The following GLP2R variants were observed in gnomAD, a reference collection of about 807,000 sequenced individuals.
GLP2R encodes glucagon like peptide 2 receptor, also known as glucagon-like peptide 2 receptor.
Under a neutral mutation model 68.2 loss-of-function variants are expected in GLP2R, and 59 were observed. The observed-to-expected ratio is 0.87, with a 90% CI of 0.70 to 1.07. The LOEUF is 1.07. GLP2R is among the 50% of genes least tolerant of loss of function. The probability of loss-of-function intolerance (pLI) is 0.00; values close to 1 mark genes in which losing one functional copy is unlikely to be tolerated. For synonymous variants in GLP2R, 270 were observed against 265.4 expected (o/e 1.02, Z -0.17); for missense variants, 548 against 677.4 (o/e 0.81, Z 2.12).
At chr17:9,841,809 C>A (rs1186589122) in intron 3 of GLP2R, among the ~76,000 whole-genome samples, 2 of 152,102 alleles carry the variant, frequency 1.3e-5, no homozygotes, top group South Asian at 2.1e-4. Context: ...TAGGAAGGAC[C>A]AACAGATTTC....
chr17:9,889,399 C>T lies in GLP2R; in HGVS notation c.1356C>T (p.Val452=), dbSNP rs755572703. 6.2e-7 allele frequency: 1 copy of T among 1,613,850 alleles called. No homozygotes were observed. Among genetic ancestry groups the T allele is most frequent in the Non-Finnish European group, 8.5e-7 (1 of 1,179,748 alleles). ...EVKAELRKYW[V]RFLLARHSGC... ...AGGCTGAGCTGCGGAAATACTGGGT[C>T]CGCTTCTTGCTAGCCCGCCACTCAG... is the stretch of plus-strand genomic sequence containing the variant. Residue 452 remains valine (V), a synonymous_variant, in exon 13 of 13, where the codon GTC becomes GTT. Coordinates refer to ENST00000262441, the MANE Select transcript of GLP2R (RefSeq NM_004246.3).
chr17:9,830,485 C>T (rs1428855397), intron 1 of GLP2R, among the ~76,000 whole-genome samples: 3 of 152,046 alleles, frequency 2.0e-5, no homozygotes, highest in African/African-American at 7.2e-5. Context: ...CCTCTTGGGC[C>T]GTAACTCAGA....
intron 3 of GLP2R, 73 bp downstream of exon 3, chr17:9,836,548 C>T (rs1597377288): frequency 2.4e-6 from 2 of 831,314 alleles, no homozygotes; most frequent in East Asian, 4.9e-5. Flanking sequence ...CACAAACAGT[C>T]CCCGTCTAAG....
intron 1 of GLP2R, among the ~76,000 whole-genome samples, chr17:9,832,122 A>G (rs966585628): frequency 6.6e-5 from 10 of 152,172 alleles, no homozygotes; most frequent in Admixed American, 1.3e-4. Context: ...CTGATGAACA[A>G]TAGAAGAGAA....
intron 9 of GLP2R, among the ~76,000 whole-genome samples, chr17:9,864,650 G>A (rs1201147909): frequency 6.6e-6 from 1 of 152,062 alleles, no homozygotes; most frequent in Non-Finnish European, 1.5e-5. Context: ...AGCCTCCCTA[G>A]TAGTTGGGAC....
rs752406323 is a variant in GLP2R, at chr17:9,861,174, G to A, written c.961G>A (p.Ala321Thr). Residue 321 changes from alanine to threonine, a missense_variant, in exon 8 of 13, where the codon GCC (alanine) becomes ACC (threonine). Ala to Thr is a moderately conservative substitution (Grantham distance 58). Transcript: ENST00000262441. ...PVLFVVPWGF[A>T]RAHLENTGCW... ...GCTATTTGTTGTACCCTGGGGTTTCGCCCGTGCACACCTGGAGAACACAGG... is the reference window on the plus strand; with the variant it reads ...GCTATTTGTTGTACCCTGGGGTTTCACCCGTGCACACCTGGAGAACACAGG... The A allele has an allele frequency of 1.1e-5, 17 of 1,612,934 alleles. No homozygotes were observed. The highest frequency in any genetic ancestry group is 1.7e-5 in the Admixed American group (1 of 59,972).
In GLP2R at chr17:9,870,740, T is replaced by A; in HGVS notation, c.1057-7T>A. The A allele has an allele frequency of 7.0e-7, 1 of 1,423,448 alleles. No homozygotes were observed. The allele number at this position is 1,423,448 out of a possible 1,614,324, so 88.2% of individuals were successfully genotyped here. ...CTTACTTACCCAATTCTGCTCTTTT[T>A]TTCAAGGTCAATTTCTTCATCTTCC... On this transcript the variant is annotated splice_region_variant and splice_polypyrimidine_tract_variant and intron_variant, in intron 9 of 12. Coordinates refer to ENST00000262441, the MANE Select transcript of GLP2R (RefSeq NM_004246.3).
chr17:9,840,449 A>G (rs1310631569), intron 3 of GLP2R, among the ~76,000 whole-genome samples: 1 of 152,220 alleles, frequency 6.6e-6, no homozygotes, highest in Non-Finnish European at 1.5e-5. Context: ...CATTCTTACC[A>G]TTCACTCATT....
intron 9 of GLP2R, chr17:9,865,823 T>C: frequency 2.1e-6 from 1 of 471,212 alleles, no homozygotes; most frequent in South Asian, 1.5e-5. Flanking sequence ...TATTGTTGTC[T>C]GTGTCTACAG....
intron 11 of GLP2R, among the ~76,000 whole-genome samples, chr17:9,881,614 T>C (rs2067197317): frequency 7.4e-6 from 1 of 135,542 alleles, no homozygotes; most frequent in Admixed American, 6.9e-5. Context: ...TCTCCTGACC[T>C]CGTGATCCGC....
chr17:9,837,909 A>G (rs2066748276), intron 3 of GLP2R, among the ~76,000 whole-genome samples: 2 of 152,198 alleles, frequency 1.3e-5, no homozygotes, highest in Non-Finnish European at 1.5e-5. Context: ...TTTCAGCCCG[A>G]TAAATCATCC....
At chr17:9,879,737 G>A (rs933546491) in intron 10 of GLP2R, among the ~76,000 whole-genome samples, 2 of 152,240 alleles carry the variant, frequency 1.3e-5, no homozygotes, top group African/African-American at 4.8e-5. Context: ...GAACCTCCAC[G>A]CCGCACTTTT....
rs549146381 is a variant in GLP2R, at chr17:9,854,400, A to G, written c.505-95A>G. 2.1e-4 allele frequency: 157 copies of G among 761,602 alleles called. 2 individuals are homozygous for G. In the South Asian group the frequency reaches 2.3e-3, roughly 11 times the overall value. 47.2% of individuals were successfully genotyped at this position (761,602 alleles called of 1,614,324 possible). A position where few individuals can be genotyped will look rare whatever the true frequency, so the allele number is the denominator to read the frequency against. On this transcript the variant is annotated intron_variant, in intron 4 of 12. Coordinates refer to ENST00000262441, the MANE Select transcript of GLP2R (RefSeq NM_004246.3). ...ACATTTAAAAAAATGTTGGGAGTCCATGCCTAGGCCCTTGGTGGCCCTGGG... is the reference window on the plus strand; with the variant it reads ...ACATTTAAAAAAATGTTGGGAGTCCGTGCCTAGGCCCTTGGTGGCCCTGGG...
intron 1 of GLP2R, among the ~76,000 whole-genome samples, chr17:9,832,955 G>T (rs1402133429): frequency 6.6e-6 from 1 of 151,900 alleles, no homozygotes; most frequent in Admixed American, 6.6e-5. Flanking sequence ...ACCCACTTCC[G>T]AATTGACTTC....
intron 6 of GLP2R, among the ~76,000 whole-genome samples, chr17:9,859,024 T>C (rs918241435): frequency 6.6e-6 from 1 of 152,174 alleles, no homozygotes; most frequent in African/African-American, 2.4e-5. Flanking sequence ...TTTGCTATTC[T>C]TTTTCTAACT....
At chr17:9,879,593 G>A (rs761728565) in intron 10 of GLP2R, among the ~76,000 whole-genome samples, 1 of 152,170 alleles carries the variant, frequency 6.6e-6, no homozygotes, top group Non-Finnish European at 1.5e-5. Context: ...TATTTTAAGA[G>A]CTCTGTAAGG....
At chr17:9,847,212 T>C (rs1021413023) in intron 4 of GLP2R, among the ~76,000 whole-genome samples, 4 of 152,156 alleles carry the variant, frequency 2.6e-5, no homozygotes, top group African/African-American at 9.7e-5. Flanking sequence ...GAATTTGGAG[T>C]ATTTATTGCT....
chr17:9,879,073 T>G lies in GLP2R; in HGVS notation c.1146-1305T>G, dbSNP rs185968750. Among the ~76,000 whole-genome samples, 77 of 152,050 alleles carry G rather than the reference T, an allele frequency of 5.1e-4. 1 individual carries two copies. The East Asian group carries it at 0.013, about 26-fold the overall frequency. On this transcript the variant is annotated intron_variant, in intron 10 of 12. Transcript: ENST00000262441. ...AAGCAGCTCAACAGTAAAGGGCAGT[T>G]ATTTCCAAACCTGTATACTTCTCAG... is the stretch of plus-strand genomic sequence containing the variant.
At chr17:9,880,543 C>T (rs1423602535) in intron 11 of GLP2R, 27 bp downstream of exon 11, 2 of 1,515,194 alleles carry the variant, frequency 1.3e-6, no homozygotes, top group East Asian at 2.3e-5. Flanking sequence ...ACCAAAATGC[C>T]TTGACTTTGG....
Sources: allele counts gnomAD v4.1 joint callset (sites outside exome capture counted in the v4.1 genomes callset), GRCh38; gene constraint gnomAD v4.1.1; transcripts MANE v1.5; gene names NCBI Gene and HGNC (gene_info 2026-07-23, HGNC 2026-07-21).